The following GHR variants were observed in gnomAD, a reference collection of about 807,000 sequenced individuals.
The protein encoded by GHR is growth hormone receptor.
GHR carries 35 observed loss-of-function variants against 67.1 expected under a neutral mutation model. That is an observed-to-expected ratio of 0.52 (90% confidence interval 0.40 to 0.69). The LOEUF (loss-of-function observed/expected upper bound fraction) is 0.69, where lower values mean the gene tolerates loss of function less well. Ranked by LOEUF, GHR falls within the 30% of genes least tolerant of loss-of-function variation. The pLI is 0.00. For missense variants in GHR, 792 were observed against 764.6 expected (o/e 1.04, Z -0.42); for synonymous variants, 272 against 269.1 (o/e 1.01, Z -0.10).
rs532526063 is a variant in GHR, at chr5:42,634,371, T to G, written c.136+5268T>G. On this transcript the variant is annotated intron_variant, in intron 3 of 9. Coordinates refer to ENST00000230882, the MANE Select transcript of GHR (RefSeq NM_000163.5). ...ACCCTAAAATCATTATGTCTTTTGGTTCAACCAAATGTAGTGCTTTTTGCA... is the reference window on the plus strand; with the variant it reads ...ACCCTAAAATCATTATGTCTTTTGGGTCAACCAAATGTAGTGCTTTTTGCA... 1.9e-4 allele frequency among the ~76,000 whole-genome samples: 29 copies of G among 152,230 alleles called. 3 individuals are homozygous for G. The highest frequency in any genetic ancestry group is 6.5e-4 in the African/African-American group (27 of 41,478).
chr5:42,554,420 G>T (rs992327893), intron 1 of GHR, among the ~76,000 whole-genome samples: 4 of 152,020 alleles, frequency 2.6e-5, no homozygotes, highest in East Asian at 1.9e-4. Flanking sequence ...GTGTTGAGAC[G>T]ATCTGGAACA....
intron 1 of GHR, among the ~76,000 whole-genome samples, chr5:42,488,978 T>C (rs1165682788): frequency 6.6e-6 from 1 of 152,218 alleles, no homozygotes; most frequent in Non-Finnish European, 1.5e-5. Flanking sequence ...AATCTACACG[T>C]CTGTCAACAC....
chr5:42,688,062 T>A (rs191947818), intron 3 of GHR, among the ~76,000 whole-genome samples: 213 of 152,354 alleles, frequency 1.4e-3, no homozygotes, highest in African/African-American at 4.7e-3. Context: ...TGAGTATGTA[T>A]AAGTTGTTTA....
chr5:42,491,842 T>TC (rs1746130275), intron 1 of GHR, among the ~76,000 whole-genome samples: 1 of 152,118 alleles, frequency 6.6e-6, no homozygotes, highest in African/African-American at 2.4e-5. Flanking sequence ...GAGAGGGCAT[T>TC]CCAGGAGCAG....
chr5:42,703,082 C>T (rs1026630649), intron 6 of GHR, among the ~76,000 whole-genome samples: 1 of 151,890 alleles, frequency 6.6e-6, no homozygotes, highest in Non-Finnish European at 1.5e-5. Context: ...TTATCTATTT[C>T]CACTTTTGTT....
chr5:42,537,125 T>C (rs1748293503), intron 1 of GHR, among the ~76,000 whole-genome samples: 1 of 152,110 alleles, frequency 6.6e-6, no homozygotes, highest in Non-Finnish European at 1.5e-5. Flanking sequence ...TTTTGTTTTA[T>C]TTATCATTTG....
At chr5:42,528,503 T>C (rs1747809065) in intron 1 of GHR, among the ~76,000 whole-genome samples, 1 of 152,208 alleles carries the variant, frequency 6.6e-6, no homozygotes, top group African/African-American at 2.4e-5. Flanking sequence ...CTTGAACAGA[T>C]GAGGAATCAC....
chr5:42,649,360 G>A (rs780544485), intron 3 of GHR, among the ~76,000 whole-genome samples: 27 of 152,156 alleles, frequency 1.8e-4, no homozygotes, highest in Admixed American at 5.2e-4. Context: ...TTTTAAAGAG[G>A]TTCTAATTAG....
At chr5:42,673,569 C>A (rs1053331088) in intron 3 of GHR, among the ~76,000 whole-genome samples, 11 of 152,146 alleles carry the variant, frequency 7.2e-5, no homozygotes, top group Non-Finnish European at 1.6e-4. Flanking sequence ...GGTACATGTC[C>A]ACCATGGGAT....
chr5:42,436,234 C>T (rs532421714), intron 1 of GHR, among the ~76,000 whole-genome samples: 1 of 152,284 alleles, frequency 6.6e-6, no homozygotes, highest in African/African-American at 2.4e-5. Context: ...CAGGGATTCA[C>T]AGCTAGTAAC....
chr5:42,429,545 C>G (rs965653092), intron 1 of GHR, among the ~76,000 whole-genome samples: 1 of 152,150 alleles, frequency 6.6e-6, no homozygotes, highest in Non-Finnish European at 1.5e-5. Context: ...TGATTAATTT[C>G]ATACCTATAA....
intron 2 of GHR, among the ~76,000 whole-genome samples, chr5:42,612,913 C>G (rs1436375428): frequency 6.6e-6 from 1 of 151,946 alleles, no homozygotes; most frequent in Admixed American, 6.6e-5. Context: ...CAGCATAGCC[C>G]CTGAAGTCTC....
chr5:42,501,521 A>G (rs1746540428), intron 1 of GHR, among the ~76,000 whole-genome samples: 1 of 152,288 alleles, frequency 6.6e-6, no homozygotes, highest in Admixed American at 6.5e-5. Context: ...TCTCTAGAGT[A>G]AGGTATCTCA....
At chr5:42,613,595 C>G (rs1259545315) in intron 2 of GHR, among the ~76,000 whole-genome samples, 1 of 151,966 alleles carries the variant, frequency 6.6e-6, no homozygotes, top group Non-Finnish European at 1.5e-5. Flanking sequence ...TAAATTATTT[C>G]AGGGATTTGA....
intron 1 of GHR, among the ~76,000 whole-genome samples, chr5:42,529,917 T>A (rs908291817): frequency 7.3e-5 from 11 of 151,524 alleles, no homozygotes; most frequent in Admixed American, 5.3e-4. Flanking sequence ...AAATGTAGAA[T>A]TAGCACTAAA....
intron 1 of GHR, among the ~76,000 whole-genome samples, chr5:42,553,296 AGTT>A (rs1465927095): frequency 6.6e-6 from 1 of 152,146 alleles, no homozygotes; most frequent in Non-Finnish European, 1.5e-5. Context: ...AGCTCATTCC[AGTT>A]GTTTTCATGA....
At chr5:42,508,647 C>T (rs1746878919) in intron 1 of GHR, among the ~76,000 whole-genome samples, 1 of 152,186 alleles carries the variant, frequency 6.6e-6, no homozygotes, top group Non-Finnish European at 1.5e-5. Flanking sequence ...GATCTCGGCT[C>T]ACTGCAAGCT....
At chr5:42,651,882 A>G (rs1274898182) in intron 3 of GHR, among the ~76,000 whole-genome samples, 5 of 152,180 alleles carry the variant, frequency 3.3e-5, no homozygotes, top group Non-Finnish European at 7.4e-5. Context: ...GAAAAAATAC[A>G]GTATTTTAAA....
rs1172675716 is a variant in GHR at position 42,648,108 on chromosome 5, C to T, written c.136+19005C>T. Among the ~76,000 whole-genome samples the T allele has an allele frequency of 8.5e-5, 13 of 152,148 alleles. No individual in the cohort carries two copies. In the East Asian group the frequency reaches 2.3e-3, roughly 27 times the overall value. ...GCGTAGAAACCCTGCCCTAGAGGAC[C>T]TGCTCCACCACTTAAAAGCCATGTA... is the stretch of plus-strand genomic sequence containing the variant. On this transcript the variant is annotated intron_variant, in intron 3 of 9. Transcript: ENST00000230882.
Sources: allele counts gnomAD v4.1 joint callset (sites outside exome capture counted in the v4.1 genomes callset), GRCh38; gene constraint gnomAD v4.1.1; transcripts MANE v1.5; gene names NCBI Gene and HGNC (gene_info 2026-07-23, HGNC 2026-07-21).